NIPBL: variants seen among roughly 807,000 people sequenced by gnomAD.
The protein encoded by NIPBL is nipped-B-like protein.
Under a neutral mutation model 321.8 loss-of-function variants are expected in NIPBL, and 19 were observed. The observed-to-expected ratio is 0.06, with a 90% CI of 0.04 to 0.09. The LOEUF (loss-of-function observed/expected upper bound fraction) is 0.09. Among genes scored for constraint, NIPBL ranks in the 10% least tolerant of loss-of-function variants. NIPBL has a pLI of 1.00. For missense variants in NIPBL, 2,210 were observed against 3,327.0 expected (o/e 0.66, Z 8.26); for synonymous variants, 1,106 against 1,114.1 (o/e 0.99, Z 0.14).
rs181208236 is a variant in NIPBL, at chr5:37,001,700, T to C, written c.3664+622T>C. Among the ~76,000 whole-genome samples, 310 of 152,268 alleles carry C rather than the reference T, an allele frequency of 2.0e-3. 2 individuals carry two copies. Among genetic ancestry groups the C allele is most frequent in the African/African-American group, 7.2e-3 (299 of 41,560 alleles). ...TGGCTTTAGGGAATACAGATTCTAA[T>C]ATGGAAAACAAAATAGTAAACCAGT... is the stretch of plus-strand genomic sequence containing the variant. On this transcript the variant is annotated intron_variant, in intron 14 of 46. Coordinates refer to ENST00000282516, the MANE Select transcript of NIPBL (RefSeq NM_133433.4).
At chr5:37,014,093 A>C (rs1192370027) in intron 21 of NIPBL, among the ~76,000 whole-genome samples, 2 of 152,238 alleles carry the variant, frequency 1.3e-5, no homozygotes, top group Non-Finnish European at 2.9e-5. Flanking sequence ...CTGCAATCGC[A>C]GCTCTCGGCA....
At chr5:36,969,784 C>A (rs1000874759) in intron 6 of NIPBL, among the ~76,000 whole-genome samples, 1 of 152,128 alleles carries the variant, frequency 6.6e-6, no homozygotes, top group African/African-American at 2.4e-5. Flanking sequence ...ATTTCCTACC[C>A]TTAGAATGAT....
chr5:37,065,340 GA>G lies in NIPBL; in HGVS notation c.*460del, dbSNP rs768908921. ...TCCTGGATATATAATTTATTCTGTTGAAAAAAAAAAAAGCATGCAGTATCTA... is the reference window on the plus strand; with the variant it reads ...TCCTGGATATATAATTTATTCTGTTGAAAAAAAAAAAGCATGCAGTATCTA... On this transcript the variant is annotated 3_prime_UTR_variant, in exon 47 of 47. Transcript: ENST00000282516. 7,841 of 151,912 alleles carry G rather than the reference GA, an allele frequency of 0.052. 319 individuals are homozygous for G. Among genetic ancestry groups the G allele is most frequent in the African/African-American group, 0.14 (5,345 of 38,552 alleles). 9.4% of individuals were successfully genotyped at this position (151,912 alleles called of 1,614,324 possible).
chr5:36,954,167 C>T (rs1464021859), intron 2 of NIPBL, among the ~76,000 whole-genome samples: 1 of 152,088 alleles, frequency 6.6e-6, no homozygotes, highest in East Asian at 1.9e-4. Flanking sequence ...GTTACTGTGT[C>T]ATCCTACCTG....
intron 21 of NIPBL, among the ~76,000 whole-genome samples, chr5:37,012,417 A>G (rs1423135410): frequency 2.8e-5 from 4 of 140,724 alleles, no homozygotes; most frequent in Non-Finnish European, 6.1e-5. Context: ...CCTTAGGTGG[A>G]GAGAGTTTTC....
At chr5:36,965,618 G>A (rs1463863029) in intron 6 of NIPBL, among the ~76,000 whole-genome samples, 2 of 152,100 alleles carry the variant, frequency 1.3e-5, no homozygotes, top group African/African-American at 4.8e-5. Context: ...TAGGGTGACT[G>A]TAGTTGACAG....
Position 36,995,732 on chromosome 5 carries a change from A to G in NIPBL, c.3232A>G (p.Thr1078Ala). 6.2e-7 allele frequency: 1 copy of G among 1,613,920 alleles called. No individual in the cohort carries two copies. The highest frequency in any genetic ancestry group is 8.5e-7 in the Non-Finnish European group (1 of 1,179,826). ...RVKMNKRKRSTVNEKPKYAEI... is the reference protein window; with the variant it reads ...RVKMNKRKRSAVNEKPKYAEI... ...GAAAATGAACAAACGCAAGCGTAGC[A>G]CAGTTAATGAAAAGCCAAAATATGC... Residue 1078 changes from threonine to alanine, a missense_variant, in exon 11 of 47, where the codon ACA becomes GCA. Transcript: ENST00000282516.
At position 37,054,926 on chromosome 5, in the gene NIPBL, TTGTAAG is replaced by T. The variant is rs1363075714; in HGVS notation, c.7264-2256_7264-2251del. Among the ~76,000 whole-genome samples, 9 of 151,502 alleles carry T rather than the reference TTGTAAG, an allele frequency of 5.9e-5. 1 individual carries two copies. The highest frequency in any genetic ancestry group is 2.2e-4 in the African/African-American group (9 of 41,288). ...CCTGTAGATGGCAAAAAAAAAAACA[TTGTAAG>T]TGTGTGAATAAAATAATGAGGACAA... On this transcript the variant is annotated intron_variant, in intron 42 of 46. Transcript: ENST00000282516.
chr5:37,028,587 C>A (rs774864561), intron 32 of NIPBL, among the ~76,000 whole-genome samples: 1 of 151,878 alleles, frequency 6.6e-6, no homozygotes, highest in Non-Finnish European at 1.5e-5. Context: ...GTGATCTGCC[C>A]ACCTCGGCCT....
At chr5:37,034,064 G>A (rs1751426305) in intron 32 of NIPBL, among the ~76,000 whole-genome samples, 1 of 151,810 alleles carries the variant, frequency 6.6e-6, no homozygotes, top group Admixed American at 6.6e-5. Flanking sequence ...TAAGTCAAGA[G>A]TCCCAGTAGA....
At chr5:37,001,572 C>A (rs1315385930) in intron 14 of NIPBL, among the ~76,000 whole-genome samples, 1 of 152,060 alleles carries the variant, frequency 6.6e-6, no homozygotes, top group African/African-American at 2.4e-5. Flanking sequence ...AGCATCTATT[C>A]TTCTGTTCAT....
chr5:36,912,755 C>A (rs1748143946), intron 1 of NIPBL, among the ~76,000 whole-genome samples: 1 of 152,134 alleles, frequency 6.6e-6, no homozygotes, highest in Non-Finnish European at 1.5e-5. Context: ...CCGCCTCGGC[C>A]TCCCAGAGTG....
intron 1 of NIPBL, among the ~76,000 whole-genome samples, chr5:36,929,608 T>TATCTAAGAACTCTGCCTTGTTTTTGTC (rs1347285955): frequency 6.6e-6 from 1 of 152,216 alleles, no homozygotes; most frequent in East Asian, 1.9e-4. Flanking sequence ...ATGTTTTTGT[T>TATCTAAGAACTCTGCCTTGTTTTTGTC]ATCTAAGAAC....
Position 37,007,327 on chromosome 5 carries a change from C to G in NIPBL, c.4092C>G (p.Gly1364=). 1 of 1,610,998 alleles carries G rather than the reference C, an allele frequency of 6.2e-7. No homozygotes were observed. Among genetic ancestry groups the G allele is most frequent in the African/African-American group, 1.3e-5 (1 of 74,898 alleles). Residue 1364 remains glycine, a synonymous_variant, in exon 18 of 47, where the codon GGC becomes GGG. Coordinates refer to ENST00000282516, the MANE Select transcript of NIPBL (RefSeq NM_133433.4). ...CTTGAATTTGTTTCATTTTAGGAGG[C>G]TTATTAAGTTCAAAAGCAAAACGGG... ...PVYRLDPHGG[G]LLSSKAKRAK...
intron 1 of NIPBL, among the ~76,000 whole-genome samples, chr5:36,910,363 A>C (rs1747953285): frequency 6.6e-6 from 1 of 151,266 alleles, no homozygotes; most frequent in Non-Finnish European, 1.5e-5. Flanking sequence ...TATTTTGAAA[A>C]GGATCTAGTA....
rs550468689 is a variant in NIPBL at position 36,968,071 on chromosome 5, G to C, written c.611-2805G>C. ...AGATCACGCCACTGCACTCTAGCCT[G>C]GACAACAGAGTGAGACTCTGTCTCA... On this transcript the variant is annotated intron_variant, in intron 6 of 46. Transcript: ENST00000282516. 1.9e-4 allele frequency among the ~76,000 whole-genome samples: 26 copies of C among 137,194 alleles called. No homozygotes were observed. In the South Asian group the frequency reaches 5.7e-3, roughly 30 times the overall value. 90.0% of individuals were successfully genotyped at this position (137,194 alleles called of 152,430 possible).
chr5:36,909,367 CT>C, intron 1 of NIPBL, among the ~76,000 whole-genome samples: 1 of 152,314 alleles, frequency 6.6e-6, no homozygotes, highest in South Asian at 2.1e-4. Flanking sequence ...ATTCAGGAAA[CT>C]AATATAAGAT....
intron 1 of NIPBL, among the ~76,000 whole-genome samples, chr5:36,947,377 C>G (rs552125112): frequency 1.4e-4 from 22 of 152,022 alleles, no homozygotes; most frequent in Non-Finnish European, 2.9e-4. Context: ...TCTAACAGAA[C>G]TTTCTGCTTC....
chr5:36,985,745 C>T lies in NIPBL; in HGVS notation c.2565C>T (p.Gly855=), dbSNP rs1307193697. ...GATCCTCTAGTAGAAATGAACATGGCATTAAATCTGATAGTTCAAAAACTG... is the reference window on the plus strand; with the variant it reads ...GATCCTCTAGTAGAAATGAACATGGTATTAAATCTGATAGTTCAAAAACTG... ...TLRSSSRNEH[G]IKSDSSKTDK... The change falls in exon 10 of 47, where the codon GGC becomes GGT. Residue 855 remains glycine, a synonymous_variant. Transcript: ENST00000282516. 1 of 1,613,718 alleles carries T rather than the reference C, an allele frequency of 6.2e-7. No homozygotes were observed. The highest frequency in any genetic ancestry group is 8.5e-7 in the Non-Finnish European group (1 of 1,179,886).
Sources: allele counts gnomAD v4.1 joint callset (sites outside exome capture counted in the v4.1 genomes callset), GRCh38; gene constraint gnomAD v4.1.1; transcripts MANE v1.5; gene names NCBI Gene and HGNC (gene_info 2026-07-23, HGNC 2026-07-21).